Variants in ZFAT observed in about 807,000 individuals in gnomAD.
ZFAT encodes zinc finger and AT-hook domain containing.
A neutral mutation model predicts 117.7 loss-of-function variants in ZFAT; 64 were observed. The observed-to-expected ratio is 0.54, with a 90% CI of 0.44 to 0.67. The LOEUF (loss-of-function observed/expected upper bound fraction) is 0.67. ZFAT is among the 30% of genes least tolerant of loss of function. The pLI, the probability that ZFAT is intolerant of heterozygous loss-of-function variation, is 0.00. For synonymous variants in ZFAT, 679 were observed against 615.0 expected, an observed-to-expected ratio of 1.10 and a Z score of -1.54; for missense variants, 1,433 against 1,584.5, an observed-to-expected ratio of 0.90 and a Z score of 1.62.
chr8:134,558,745 C>T (rs1823833691), intron 11 of ZFAT, among the ~76,000 whole-genome samples: 1 of 152,138 alleles, frequency 6.6e-6, no homozygotes, highest in Admixed American at 6.5e-5. Context: ...TTTTTGATCA[C>T]CTGCCTGGTA....
At chr8:134,611,408 T>C (rs1432814350) in intron 3 of ZFAT, among the ~76,000 whole-genome samples, 4 of 152,192 alleles carry the variant, frequency 2.6e-5, no homozygotes, top group Non-Finnish European at 5.9e-5. Context: ...TGCCCAAGTA[T>C]CCCGTGTGGT....
At chr8:134,575,197 C>T (rs554116849) in intron 10 of ZFAT, among the ~76,000 whole-genome samples, 2 of 152,228 alleles carry the variant, frequency 1.3e-5, no homozygotes, top group Non-Finnish European at 2.9e-5. Context: ...GTTCTAATCC[C>T]CAGAACCTAT....
intron 7 of ZFAT, chr8:134,598,860 A>T (rs924324198): frequency 2.6e-5 from 4 of 152,208 alleles, no homozygotes; most frequent in African/African-American, 9.7e-5. Context: ...TCATCCAAGG[A>T]TGGGTAAACT....
intron 10 of ZFAT, among the ~76,000 whole-genome samples, chr8:134,582,306 C>T (rs1354370761): frequency 6.6e-6 from 1 of 152,218 alleles, no homozygotes; most frequent in African/African-American, 2.4e-5. Context: ...GACGACAGAA[C>T]CCTGTTCAGT....
chr8:134,636,916 T>G (rs753755606), intron 3 of ZFAT, among the ~76,000 whole-genome samples: 5 of 152,248 alleles, frequency 3.3e-5, no homozygotes, highest in Non-Finnish European at 7.3e-5. Flanking sequence ...TCTTCAAGAA[T>G]GCCCACTGAA....
intron 2 of ZFAT, among the ~76,000 whole-genome samples, chr8:134,646,901 T>G (rs1451099490): frequency 6.6e-6 from 1 of 152,134 alleles, no homozygotes; most frequent in Admixed American, 6.5e-5. Flanking sequence ...ACTGAATCAG[T>G]AATCAAAATC....
the ZFAT span, among the ~76,000 whole-genome samples, chr8:134,728,827 G>C: frequency 1.3e-5 from 2 of 152,170 alleles, no homozygotes; most frequent in South Asian, 4.1e-4. Context: ...ACATTTTAAA[G>C]TAAATTATGC....
the ZFAT span, among the ~76,000 whole-genome samples, chr8:134,813,801 TAC>T: frequency 0.36 from 53,517 of 146,812 alleles, 9,778 homozygotes; most frequent in East Asian, 0.62. Flanking sequence ...TTTGATTTTA[TAC>T]ACACACACAC....
At chr8:134,823,798 C>T in the ZFAT span, among the ~76,000 whole-genome samples, 3 of 152,174 alleles carry the variant, frequency 2.0e-5, no homozygotes, top group African/African-American at 7.2e-5. Context: ...TCTAAGATAT[C>T]ACTTAAGCCA....
chr8:134,478,816 C>A lies in ZFAT; in HGVS notation c.3493-95G>T. ...AACTACAGTTTAGGAGGCACCAGTG[C>A]GCTGCGGGAGCACGTCCATTCTCCA... On this transcript the variant is annotated intron_variant, in intron 15 of 15. Transcript: ENST00000377838. This position sits in a 1 kb window ranked among gnomAD's most constrained non-coding sequence, Gnocchi z 5.2. 6.1e-6 allele frequency: 9 copies of A among 1,476,456 alleles called. No homozygotes were observed. Among genetic ancestry groups the A allele is most frequent in the Non-Finnish European group, 8.1e-6 (9 of 1,108,010 alleles). The allele number at this position is 1,476,456 out of a possible 1,614,324, so 91.5% of individuals were successfully genotyped here.
At chr8:134,675,566 C>T (rs1176403495) in intron 1 of ZFAT, among the ~76,000 whole-genome samples, 1 of 152,180 alleles carries the variant, frequency 6.6e-6, no homozygotes, top group Non-Finnish European at 1.5e-5. Flanking sequence ...CCCAACCTAG[C>T]AAGGCCGGCC....
chr8:134,697,908 G>A (rs956349454), intron 1 of ZFAT, among the ~76,000 whole-genome samples: 2 of 150,948 alleles, frequency 1.3e-5, no homozygotes, highest in Non-Finnish European at 3.0e-5. Flanking sequence ...CATGCTCAGT[G>A]CTGAGCAACA....
rs376076871 is a variant in ZFAT, at chr8:134,704,771, A to G, written c.19+8074T>C. On this transcript the variant is annotated intron_variant, in intron 1 of 15. Transcript: ENST00000377838. Reference sequence around the variant, plus strand: ...GAGGAAGAAAAGGTTCTTCTAACAAATGAGGCTAGAAAAACTGGATATCCA... The same window carrying G: ...GAGGAAGAAAAGGTTCTTCTAACAAGTGAGGCTAGAAAAACTGGATATCCA... Among the ~76,000 whole-genome samples the G allele has an allele frequency of 1.3e-4, 20 of 152,338 alleles. No homozygotes were observed. The East Asian group carries it at 3.3e-3, about 25-fold the overall frequency.
chr8:134,756,235 C>T, the ZFAT span, among the ~76,000 whole-genome samples: 1 of 152,310 alleles, frequency 6.6e-6, no homozygotes, highest in African/African-American at 2.4e-5. Flanking sequence ...AAATCAGACC[C>T]CATTAATCAG....
At position 134,488,994 on chromosome 8, in the gene ZFAT, A is replaced by C. The variant is rs540802246; in HGVS notation, c.3493-10273T>G. 1.7e-4 allele frequency among the ~76,000 whole-genome samples: 7 copies of C among 42,168 alleles called. No individual in the cohort carries two copies. In the East Asian group the frequency reaches 5.6e-3, roughly 34 times the overall value. The allele number at this position is 42,168 out of a possible 152,430, so 27.7% of individuals were successfully genotyped here. ...TTCAGTAGAGCCAGAGCACAGAACA[A>C]GTGGGGGGTGGGGGTGGGGAAGAGA... On this transcript the variant is annotated intron_variant, in intron 15 of 15. Transcript: ENST00000377838.
At position 134,637,583 on chromosome 8, in the gene ZFAT, T is replaced by C; in HGVS notation, c.326A>G (p.Asn109Ser). 1 of 1,614,234 alleles carries C rather than the reference T, an allele frequency of 6.2e-7. No homozygotes were observed. The highest frequency in any genetic ancestry group is 2.2e-5 in the East Asian group (1 of 44,884). ...CTCCAAGCTGCTTGGAGGCAGGCTGTTCCCTTCCTCCGGAGCCAGCGGGCT... is the reference window on the plus strand; with the variant it reads ...CTCCAAGCTGCTTGGAGGCAGGCTGCTCCCTTCCTCCGGAGCCAGCGGGCT... Reference protein sequence around the residue: ...EDSPLAPEEGNSLPPSSLECS... With the variant: ...EDSPLAPEEGSSLPPSSLECS... The change falls in exon 3 of 16, where the codon AAC becomes AGC. Residue 109 changes from asparagine (N) to serine (S), a missense_variant. By Grantham distance (46) the Asn-to-Ser change is conservative. This residue lies in a region of ZFAT where 436 missense variants were observed against 482.0 expected (regional missense o/e 0.90). Coordinates refer to ENST00000377838, the MANE Select transcript of ZFAT (RefSeq NM_020863.4).
rs369522765 is a variant in ZFAT at position 134,682,301 on chromosome 8, T to C, written c.20-24564A>G. On this transcript the variant is annotated intron_variant, in intron 1 of 15. Transcript: ENST00000377838. The stretch of plus-strand genomic sequence containing the variant: ...AAGATAAAAACGCTGCCAAATAAAC[T>C]CAGAGACACTAGCTTCTCACCACAC... Among the ~76,000 whole-genome samples the C allele has an allele frequency of 3.3e-5, 5 of 152,268 alleles. No individual in the cohort carries two copies. In the East Asian group the frequency reaches 7.7e-4, roughly 23 times the overall value.
Position 134,477,962 on chromosome 8 carries a change from G to T in ZFAT, c.*520C>A, listed in dbSNP as rs1425041724. On this transcript the variant is annotated 3_prime_UTR_variant, in exon 16 of 16. Transcript: ENST00000377838. ...AGGGCCCTTAATACTCGGGGAAGTG[G>T]GACTTTGTCGACAAAGCCAGGACAA... 1 of 155,452 alleles carries T rather than the reference G, an allele frequency of 6.4e-6. No individual in the cohort carries two copies. Among genetic ancestry groups the T allele is most frequent in the East Asian group, 1.9e-4 (1 of 5,276 alleles). 9.6% of individuals were successfully genotyped at this position (155,452 alleles called of 1,614,324 possible). A position where few individuals can be genotyped will look rare whatever the true frequency, so the allele number is the denominator to read the frequency against.
chr8:134,520,604 A>C (rs1195772479), intron 13 of ZFAT, among the ~76,000 whole-genome samples: 1 of 152,174 alleles, frequency 6.6e-6, no homozygotes, highest in Non-Finnish European at 1.5e-5. Flanking sequence ...GAAACTCTGG[A>C]TTTGTGAATA....
Sources: gnomAD v4.1 joint callset for allele counts (sites outside exome capture counted in the v4.1 genomes callset) on GRCh38, gnomAD v4.1.1 for gene constraint, gnomAD v4.1.1 regional missense constraint, Gnocchi (gnomAD v3.1) non-coding constraint, MANE v1.5 for transcripts, NCBI Gene and HGNC (gene_info 2026-07-23, HGNC 2026-07-21) for gene names.